The following RARB variants were observed in gnomAD, a reference collection of about 807,000 sequenced individuals.
The protein encoded by RARB is HBV-activated protein.
A neutral mutation model predicts 51.9 loss-of-function variants in RARB; 17 were observed. That is an observed-to-expected ratio of 0.33 (90% CI 0.22 to 0.49). RARB has a LOEUF of 0.49. RARB is among the 20% of genes least tolerant of loss of function. The probability of loss-of-function intolerance (pLI) is 0.99; values close to 1 mark genes in which losing one functional copy is unlikely to be tolerated. For synonymous variants in RARB, 215 were observed against 195.4 expected, an observed-to-expected ratio of 1.10 and a Z score of -0.84; for missense variants, 369 against 550.8, an observed-to-expected ratio of 0.67 and a Z score of 3.30.
At chr3:25,066,688 T>A (rs1603977) in intron 3 of RARB, among the ~76,000 whole-genome samples, 103,220 of 151,662 alleles carry the variant, frequency 0.68, 35,250 homozygotes, top group East Asian at 0.83. Flanking sequence ...TACATTTTTT[T>A]AAAAATCCCC....
intron 2 of RARB, among the ~76,000 whole-genome samples, chr3:25,487,102 G>A (rs2125588109): frequency 6.6e-6 from 1 of 152,246 alleles, no homozygotes; most frequent in South Asian, 2.1e-4. Flanking sequence ...GATGTGAGGT[G>A]TCTGGTGTCC....
intron 2 of RARB, among the ~76,000 whole-genome samples, chr3:24,910,082 T>G (rs191974439): frequency 6.2e-4 from 94 of 152,220 alleles, no homozygotes; most frequent in Non-Finnish European, 8.2e-4. Flanking sequence ...CACATAAATC[T>G]GAATCTTTCT....
At chr3:25,244,063 A>G (rs1702495027) in intron 5 of RARB, among the ~76,000 whole-genome samples, 1 of 152,126 alleles carries the variant, frequency 6.6e-6, no homozygotes, top group South Asian at 2.1e-4. Context: ...CCAGGAATCT[A>G]TCCATTTCTT....
chr3:25,487,214 AC>A (rs1696516900), intron 2 of RARB, among the ~76,000 whole-genome samples: 7 of 151,880 alleles, frequency 4.6e-5, no homozygotes, highest in Admixed American at 4.6e-4. Context: ...GTAAATAGCA[AC>A]TCCAGGTTTT....
chr3:25,523,319 T>C (rs1295841806), intron 3 of RARB, among the ~76,000 whole-genome samples: 1 of 152,190 alleles, frequency 6.6e-6, no homozygotes, highest in Non-Finnish European at 1.5e-5. Context: ...GTGTGATCAT[T>C]GTCTCAAGGA....
In RARB at chr3:25,333,515, C is replaced by T. The variant is rs527584999; in HGVS notation, c.179-127678C>T. 5.0e-3 allele frequency among the ~76,000 whole-genome samples: 766 copies of T among 152,170 alleles called. 7 individuals carry two copies. The highest frequency in any genetic ancestry group is 7.8e-3 in the Non-Finnish European group (530 of 67,994). On this transcript the variant is annotated intron_variant, in intron 5 of 11. Coordinates refer to the RARB transcript ENST00000383772. ...CTGGATCCCTTCCTTACACCTTATACAAAAATTAATTCAAGATGGATTAAA... is the reference window on the plus strand; with the variant it reads ...CTGGATCCCTTCCTTACACCTTATATAAAAATTAATTCAAGATGGATTAAA...
chr3:25,419,543 TG>T (rs1449717243), intron 5 of RARB, among the ~76,000 whole-genome samples: 1 of 151,876 alleles, frequency 6.6e-6, no homozygotes, highest in Non-Finnish European at 1.5e-5. Context: ...AAAGGTTCTC[TG>T]GTGCCTTTGT....
At chr3:25,269,676 A>G (rs976339313) in intron 5 of RARB, among the ~76,000 whole-genome samples, 3 of 152,202 alleles carry the variant, frequency 2.0e-5, no homozygotes, top group African/African-American at 7.2e-5. Context: ...AATAGCAACA[A>G]TAATAGTAAA....
intron 2 of RARB, among the ~76,000 whole-genome samples, 189 bp downstream of exon 2, chr3:25,461,530 A>C (rs887353821): frequency 2.6e-5 from 4 of 152,232 alleles, no homozygotes; most frequent in African/African-American, 9.6e-5. Flanking sequence ...AAACTTCTGC[A>C]AATGACTGAT....
chr3:25,482,586 C>A (rs1696280195), intron 2 of RARB, among the ~76,000 whole-genome samples: 1 of 120,272 alleles, frequency 8.3e-6, no homozygotes. Context: ...GTCTCCCAGG[C>A]CGGAGTGCAG....
chr3:25,337,272 A>G (rs772587170), intron 5 of RARB, among the ~76,000 whole-genome samples: 1 of 152,234 alleles, frequency 6.6e-6, no homozygotes, highest in Non-Finnish European at 1.5e-5. Context: ...AAAATATTCC[A>G]TGGATCAACA....
intron 2 of RARB, among the ~76,000 whole-genome samples, chr3:24,920,167 T>C (rs920699171): frequency 1.3e-5 from 2 of 152,262 alleles, no homozygotes; most frequent in African/African-American, 4.8e-5. Context: ...CTGCTGGGAC[T>C]ACTTTTAATT....
intron 2 of RARB, among the ~76,000 whole-genome samples, chr3:24,987,972 T>G (rs1696830674): frequency 6.6e-6 from 1 of 152,334 alleles, no homozygotes; most frequent in South Asian, 2.1e-4. Context: ...TTCCATTTTT[T>G]TTTTTTCCAG....
chr3:25,038,370 G>C (rs1200243896), intron 2 of RARB, among the ~76,000 whole-genome samples: 1 of 134,836 alleles, frequency 7.4e-6, no homozygotes, highest in East Asian at 2.1e-4. Context: ...GGATAAACTG[G>C]GAGGAGCAGT....
intron 3 of RARB, among the ~76,000 whole-genome samples, chr3:25,569,205 G>T (rs545965412): frequency 1.3e-5 from 2 of 152,212 alleles, no homozygotes; most frequent in African/African-American, 4.8e-5. Context: ...CATACAGAAA[G>T]TTTAGAAAGC....
At chr3:25,445,035 C>T (rs901800728) in intron 1 of RARB, among the ~76,000 whole-genome samples, 1 of 152,010 alleles carries the variant, frequency 6.6e-6, no homozygotes, top group African/African-American at 2.4e-5. Context: ...GTGCAACCTC[C>T]GCCTCCCGGG....
At chr3:25,169,034 C>T (rs1045424472) in intron 4 of RARB, among the ~76,000 whole-genome samples, 2 of 152,086 alleles carry the variant, frequency 1.3e-5, no homozygotes, top group Admixed American at 6.5e-5. Context: ...GGGGAAATGG[C>T]ACAACATACT....
At chr3:25,592,778 T>C (rs116621138) in intron 5 of RARB, among the ~76,000 whole-genome samples, 2,705 of 152,334 alleles carry the variant, frequency 0.018, 82 homozygotes, top group African/African-American at 0.06. Context: ...GTTGAAATGC[T>C]ACCTCTTTAT....
chr3:25,589,102 C>G lies in RARB; in HGVS notation c.787-4401C>G, dbSNP rs183120895. Among the ~76,000 whole-genome samples the G allele has an allele frequency of 7.3e-4, 111 of 152,164 alleles. 1 individual carries two copies. The highest frequency in any genetic ancestry group is 2.6e-3 in the African/African-American group (109 of 41,518). ...CAATGTTATTTCTTATTCCAAAAAC[C>G]AAAAGGGTGGTGGGATAGAAAATAA... is the stretch of plus-strand genomic sequence containing the variant. On this transcript the variant is annotated intron_variant, in intron 5 of 7. Transcript: ENST00000330688.
Sources: allele counts gnomAD v4.1 joint callset (sites outside exome capture counted in the v4.1 genomes callset), GRCh38; gene constraint gnomAD v4.1.1; transcripts MANE v1.5; gene names NCBI Gene and HGNC (gene_info 2026-07-23, HGNC 2026-07-21).